Variants in EPC2 observed in about 807,000 individuals in gnomAD.
The protein encoded by EPC2 is enhancer of polycomb 2, also known as enhancer of polycomb homolog 2.
A neutral mutation model predicts 92.1 loss-of-function variants in EPC2; 14 were observed. The observed-to-expected ratio is 0.15, with a 90% CI of 0.10 to 0.24. EPC2 has a LOEUF of 0.24. Among genes scored for constraint, EPC2 ranks in the 10% least tolerant of loss-of-function variants. The pLI is 1.00. For missense variants in EPC2, 755 were observed against 971.5 expected (o/e 0.78, Z 2.96); for synonymous variants, 340 against 334.7 (o/e 1.02, Z -0.17).
intron 2 of EPC2, among the ~76,000 whole-genome samples, chr2:148,710,576 G>A (rs34676510): frequency 0.22 from 34,044 of 151,932 alleles, 4,631 homozygotes; most frequent in East Asian, 0.51. Context: ...ACTTTTCACA[G>A]TAGCAGACTT....
intron 2 of EPC2, among the ~76,000 whole-genome samples, chr2:148,733,534 G>A (rs1410083661): frequency 1.9e-5 from 2 of 104,024 alleles, no homozygotes; most frequent in African/African-American, 7.7e-5. Flanking sequence ...GTCTCACTCT[G>A]TCACCCAGGC....
At chr2:148,704,155 T>A (rs1681946491) in intron 2 of EPC2, among the ~76,000 whole-genome samples, 1 of 152,230 alleles carries the variant, frequency 6.6e-6, no homozygotes, top group South Asian at 2.1e-4. Context: ...CAGGTATTCA[T>A]CACTGGATGA....
At chr2:148,719,926 T>C (rs1249163898) in intron 2 of EPC2, among the ~76,000 whole-genome samples, 1 of 152,150 alleles carries the variant, frequency 6.6e-6, no homozygotes, top group African/African-American at 2.4e-5. Context: ...CCATAGAACA[T>C]GGGTGGTGAC....
intron 1 of EPC2, among the ~76,000 whole-genome samples, chr2:148,665,136 C>G (rs1251556410): frequency 6.6e-6 from 1 of 152,126 alleles, no homozygotes; most frequent in Admixed American, 6.6e-5. Context: ...CAGGTTCCAT[C>G]CTAGACCTGT....
chr2:148,682,294 C>T (rs752247149), intron 1 of EPC2, among the ~76,000 whole-genome samples: 1 of 152,218 alleles, frequency 6.6e-6, no homozygotes, highest in Non-Finnish European at 1.5e-5. Flanking sequence ...GAGGAATCAT[C>T]ACACTGTCTT....
At chr2:148,771,899 A>G (rs1683529410) in intron 10 of EPC2, among the ~76,000 whole-genome samples, 1 of 151,964 alleles carries the variant, frequency 6.6e-6, no homozygotes, top group African/African-American at 2.4e-5. Context: ...CCCGGGTTCA[A>G]GCGATTCTCC....
chr2:148,736,333 GT>G (rs1682752739), intron 2 of EPC2, among the ~76,000 whole-genome samples: 1 of 152,024 alleles, frequency 6.6e-6, no homozygotes, highest in Admixed American at 6.5e-5. Context: ...ACCTATTCAG[GT>G]TTGCTCTTGA....
intron 2 of EPC2, among the ~76,000 whole-genome samples, chr2:148,728,759 A>G (rs770932841): frequency 2.0e-5 from 3 of 150,220 alleles, no homozygotes; most frequent in Admixed American, 1.3e-4. Flanking sequence ...AAGGCCGGGC[A>G]CGGTAGCTCA....
chr2:148,722,516 A>G (rs537062917), intron 2 of EPC2, among the ~76,000 whole-genome samples: 63 of 152,346 alleles, frequency 4.1e-4, no homozygotes, highest in African/African-American at 1.4e-3. Flanking sequence ...TTAAAAAGTC[A>G]AAAAGTAACA....
intron 2 of EPC2, among the ~76,000 whole-genome samples, chr2:148,732,808 C>A (rs1317472186): frequency 6.6e-6 from 1 of 151,782 alleles, no homozygotes; most frequent in East Asian, 1.9e-4. Context: ...TTTTTATAAA[C>A]CTGTATTTTT....
At chr2:148,770,156 G>A (rs932783289) in intron 8 of EPC2, among the ~76,000 whole-genome samples, 17 of 151,990 alleles carry the variant, frequency 1.1e-4, no homozygotes, top group Non-Finnish European at 1.6e-4. Context: ...CCAGTAGTCC[G>A]CCCACCTCAG....
intron 1 of EPC2, among the ~76,000 whole-genome samples, chr2:148,678,013 C>T (rs180733784): frequency 0.025 from 3,820 of 152,232 alleles, 54 homozygotes; most frequent in East Asian, 0.032. Flanking sequence ...TGCTGGCTCC[C>T]GCAGCCTGCT....
chr2:148,714,779 T>C (rs1429161337), intron 2 of EPC2, among the ~76,000 whole-genome samples: 1 of 152,228 alleles, frequency 6.6e-6, no homozygotes, highest in Admixed American at 6.5e-5. Flanking sequence ...TAAATTTGTT[T>C]AAGTTCCTTG....
At position 148,770,796 on chromosome 2, in the gene EPC2, G is replaced by T. The variant is rs373763027; in HGVS notation, c.1235G>T (p.Arg412Leu). Residue 412 changes from arginine (R) to leucine (L), a missense_variant, in exon 9 of 14, where the codon CGT becomes CTT. Arg to Leu is a moderately radical substitution (Grantham distance 102). This residue lies in a region of EPC2 where 509 missense variants were observed against 607.7 expected (regional missense o/e 0.84). Coordinates refer to ENST00000258484, the MANE Select transcript of EPC2 (RefSeq NM_015630.4). ...TTGTTTTTTCTTTCTTTGCAGCCTC[G>T]TTTGGACCAAGCTAACCATTCATGT... Reference protein sequence around the residue: ...RRAGCQYYAPRLDQANHSCEN... With the variant: ...RRAGCQYYAPLLDQANHSCEN... The T allele has an allele frequency of 6.2e-7, 1 of 1,604,432 alleles. No homozygotes were observed. Among genetic ancestry groups the T allele is most frequent in the East Asian group, 2.2e-5 (1 of 44,752 alleles).
chr2:148,687,794 G>A (rs556476511), intron 1 of EPC2, among the ~76,000 whole-genome samples: 9 of 152,136 alleles, frequency 5.9e-5, no homozygotes, highest in Non-Finnish European at 8.8e-5. Flanking sequence ...TTTCTTTCCC[G>A]TTTGTTTTTA....
chr2:148,781,002 A>G (rs1683737527), intron 10 of EPC2, among the ~76,000 whole-genome samples: 1 of 152,208 alleles, frequency 6.6e-6, no homozygotes, highest in South Asian at 2.1e-4. Flanking sequence ...TGGTCGCAGT[A>G]GAATTTACTA....
At chr2:148,762,887 T>G (rs1380075349) in intron 6 of EPC2, 85 bp downstream of exon 6, 13 of 1,421,104 alleles carry the variant, frequency 9.1e-6, no homozygotes, top group Non-Finnish European at 1.0e-5. Flanking sequence ...TTAATATGGT[T>G]TGAGTAAAGA....
intron 10 of EPC2, among the ~76,000 whole-genome samples, chr2:148,778,607 A>G (rs1002506486): frequency 2.8e-5 from 4 of 141,778 alleles, no homozygotes; most frequent in African/African-American, 1.1e-4. Context: ...TGTCCATCCT[A>G]TTAAAACTAT....
At chr2:148,779,093 G>A (rs1683701986) in intron 10 of EPC2, among the ~76,000 whole-genome samples, 1 of 152,104 alleles carries the variant, frequency 6.6e-6, no homozygotes, top group African/African-American at 2.4e-5. Flanking sequence ...TAAGGTTCCT[G>A]AGCAAATTAA....
Sources: gnomAD v4.1 joint callset for allele counts (sites outside exome capture counted in the v4.1 genomes callset) on GRCh38, gnomAD v4.1.1 for gene constraint, gnomAD v4.1.1 regional missense constraint, MANE v1.5 for transcripts, NCBI Gene and HGNC (gene_info 2026-07-23, HGNC 2026-07-21) for gene names.